DNER: variants seen among roughly 807,000 people sequenced by gnomAD.
The protein encoded by DNER is delta/notch like EGF repeat containing, also known as delta and Notch-like epidermal growth factor-related receptor.
DNER carries 33 observed loss-of-function variants against 78.2 expected under a neutral mutation model. The ratio of observed to expected loss-of-function variants is 0.42; its 90% CI spans 0.32 to 0.56. DNER has a LOEUF of 0.56. DNER is among the 20% of genes least tolerant of loss of function. The pLI, the probability that DNER is intolerant of heterozygous loss-of-function variation, is 0.11. For missense variants in DNER, 918 were observed against 975.3 expected, an observed-to-expected ratio of 0.94 and a Z score of 0.78; for synonymous variants, 417 against 384.8, an observed-to-expected ratio of 1.08 and a Z score of -0.98.
intron 1 of DNER, among the ~76,000 whole-genome samples, chr2:229,673,445 G>A (rs2011781): frequency 0.8 from 122,032 of 152,136 alleles, 49,119 homozygotes; most frequent in Middle Eastern, 0.84. Flanking sequence ...AGGTGTCTTC[G>A]GAGGTTTCTG....
chr2:229,409,095 G>C (rs1559343898), intron 9 of DNER, among the ~76,000 whole-genome samples: 1 of 152,130 alleles, frequency 6.6e-6, no homozygotes, highest in Non-Finnish European at 1.5e-5. Context: ...GTTAAGATTA[G>C]CATAAATCTG....
intron 4 of DNER, among the ~76,000 whole-genome samples, chr2:229,583,642 G>A (rs989678910): frequency 2.0e-5 from 3 of 152,134 alleles, no homozygotes; most frequent in Admixed American, 6.5e-5. Context: ...TGAAATATTA[G>A]CTCCATGTGA....
At chr2:229,615,395 G>A (rs1257203288) in intron 1 of DNER, among the ~76,000 whole-genome samples, 1 of 124,546 alleles carries the variant, frequency 8.0e-6, no homozygotes, top group Non-Finnish European at 1.6e-5. Flanking sequence ...TGAGCCACAA[G>A]AGCAAAACTC....
intron 4 of DNER, among the ~76,000 whole-genome samples, chr2:229,553,776 C>T (rs1696794749): frequency 1.3e-5 from 2 of 152,192 alleles, no homozygotes; most frequent in South Asian, 4.1e-4. Flanking sequence ...CCAACGATAA[C>T]AACTCTATTC....
intron 1 of DNER, 93 bp downstream of exon 1, chr2:229,714,055 G>C: frequency 2.6e-6 from 3 of 1,142,222 alleles, no homozygotes; most frequent in Non-Finnish European, 3.3e-6. Flanking sequence ...TGTGTCAGGC[G>C]TGCCCATTGT....
intron 8 of DNER, among the ~76,000 whole-genome samples, chr2:229,421,263 G>C (rs1029276090): frequency 1.3e-5 from 2 of 152,056 alleles, no homozygotes; most frequent in African/African-American, 4.8e-5. Flanking sequence ...ATGATTGCCA[G>C]GGTCTGCGGA....
intron 1 of DNER, among the ~76,000 whole-genome samples, chr2:229,693,742 T>C (rs1360568000): frequency 1.3e-5 from 2 of 152,128 alleles, no homozygotes; most frequent in Non-Finnish European, 2.9e-5. Flanking sequence ...GAAAGAAATT[T>C]CTAAGCAGCA....
chr2:229,552,010 A>G (rs1307901067), intron 4 of DNER, among the ~76,000 whole-genome samples: 1 of 152,208 alleles, frequency 6.6e-6, no homozygotes, highest in Non-Finnish European at 1.5e-5. Flanking sequence ...CATTTTATGA[A>G]CATGTAATAT....
chr2:229,671,632 C>G (rs1699210735), intron 1 of DNER, among the ~76,000 whole-genome samples: 1 of 152,152 alleles, frequency 6.6e-6, no homozygotes, highest in Admixed American at 6.6e-5. Context: ...TATTGGTGCT[C>G]CATAAATATG....
At chr2:229,689,534 A>T (rs1356257466) in intron 1 of DNER, among the ~76,000 whole-genome samples, 1 of 152,234 alleles carries the variant, frequency 6.6e-6, no homozygotes, top group African/African-American at 2.4e-5. Context: ...GTCAGAAAAA[A>T]AAATATGTTT....
At chr2:229,396,231 A>G (rs887841583) in intron 10 of DNER, among the ~76,000 whole-genome samples, 1 of 152,222 alleles carries the variant, frequency 6.6e-6, no homozygotes, top group Non-Finnish European at 1.5e-5. Flanking sequence ...CTTAGCTTAA[A>G]GAAAAGTAAG....
chr2:229,677,677 G>T (rs1699319499), intron 1 of DNER, among the ~76,000 whole-genome samples: 1 of 152,174 alleles, frequency 6.6e-6, no homozygotes, highest in African/African-American at 2.4e-5. Flanking sequence ...AAGGTTCTAT[G>T]AAGCATGATG....
At chr2:229,409,465 C>T (rs547543282) in intron 9 of DNER, among the ~76,000 whole-genome samples, 2 of 152,254 alleles carry the variant, frequency 1.3e-5, no homozygotes, top group African/African-American at 4.8e-5. Context: ...CATATTAGCA[C>T]CCAAACTACC....
chr2:229,421,152 A>C (rs1693755611), intron 8 of DNER, among the ~76,000 whole-genome samples: 1 of 152,190 alleles, frequency 6.6e-6, no homozygotes, highest in Non-Finnish European at 1.5e-5. Flanking sequence ...ATTACATTAC[A>C]TGAAATAAGC....
At chr2:229,582,047 T>A (rs962962947) in intron 4 of DNER, among the ~76,000 whole-genome samples, 5 of 152,182 alleles carry the variant, frequency 3.3e-5, no homozygotes, top group African/African-American at 1.2e-4. Flanking sequence ...GCGACATAAT[T>A]CTGAAACTTT....
intron 1 of DNER, among the ~76,000 whole-genome samples, chr2:229,600,559 T>C (rs886356299): frequency 6.6e-6 from 1 of 152,230 alleles, no homozygotes; most frequent in Admixed American, 6.5e-5. Flanking sequence ...GAAGAACCTT[T>C]GGCAAAACAA....
intron 10 of DNER, among the ~76,000 whole-genome samples, chr2:229,403,919 G>C (rs1247709948): frequency 6.6e-6 from 1 of 152,156 alleles, no homozygotes; most frequent in Non-Finnish European, 1.5e-5. Context: ...TAAAGATTAT[G>C]TTAAGGACTT....
chr2:229,522,522 C>T (rs184921585), intron 5 of DNER, among the ~76,000 whole-genome samples: 2 of 152,152 alleles, frequency 1.3e-5, no homozygotes, highest in Admixed American at 1.3e-4. Context: ...GAAAAAAGAG[C>T]CTGTTCCCAC....
At chr2:229,633,156 TA>T (rs1318441379) in intron 1 of DNER, among the ~76,000 whole-genome samples, 3 of 152,196 alleles carry the variant, frequency 2.0e-5, no homozygotes, top group African/African-American at 7.2e-5. Flanking sequence ...AAAAATGTCT[TA>T]ATGGTAAATT....
Sources: gnomAD v4.1 joint callset for allele counts (sites outside exome capture counted in the v4.1 genomes callset) on GRCh38, gnomAD v4.1.1 for gene constraint, MANE v1.5 for transcripts, NCBI Gene and HGNC (gene_info 2026-07-23, HGNC 2026-07-21) for gene names.